The following HOMER2 variants were observed in gnomAD, a reference collection of about 807,000 sequenced individuals.
HOMER2 encodes the protein homer protein homolog 2.
In HOMER2, 27 loss-of-function variants were observed where a neutral mutation model predicts 47.0. The ratio of observed to expected loss-of-function variants is 0.57; its 90% CI spans 0.42 to 0.79. The LOEUF (loss-of-function observed/expected upper bound fraction) is 0.79. HOMER2 is among the 30% of genes least tolerant of loss of function. The pLI, the probability that HOMER2 is intolerant of heterozygous loss-of-function variation, is 0.00. For synonymous variants in HOMER2, 161 were observed against 163.8 expected (o/e 0.98, Z 0.13); for missense variants, 443 against 435.0 (o/e 1.02, Z -0.16).
At chr15:82,870,188 C>A (rs532446295) in intron 3 of HOMER2, among the ~76,000 whole-genome samples, 2 of 152,160 alleles carry the variant, frequency 1.3e-5, no homozygotes, top group African/African-American at 4.8e-5. Flanking sequence ...TTTCTTTTCC[C>A]GTAGCTTAAC....
intron 2 of HOMER2, among the ~76,000 whole-genome samples, chr15:82,881,920 G>A (rs1338252322): frequency 6.6e-6 from 1 of 152,222 alleles, no homozygotes; most frequent in African/African-American, 2.4e-5. Context: ...CTTCAGGCAA[G>A]TCTTGTCCAC....
At chr15:82,952,070 T>A (rs1417541221) in intron 1 of HOMER2, 1 of 981,570 alleles carries the variant, frequency 1.0e-6, no homozygotes, top group East Asian at 1.1e-4. Context: ...AAGTCCACTA[T>A]TCCTACGCTG....
intron 1 of HOMER2, among the ~76,000 whole-genome samples, chr15:82,970,773 A>T (rs1228490718): frequency 6.6e-6 from 1 of 152,228 alleles, no homozygotes; most frequent in East Asian, 1.9e-4. Context: ...TCTTCTTGCC[A>T]TGCTGTGTTT....
At chr15:82,949,760 G>A (rs974092526) in intron 1 of HOMER2, among the ~76,000 whole-genome samples, 1 of 152,160 alleles carries the variant, frequency 6.6e-6, no homozygotes, top group East Asian at 1.9e-4. Flanking sequence ...GCTACATGTG[G>A]CTATTTAAAT....
upstream of HOMER2, among the ~76,000 whole-genome samples, chr15:82,955,171 C>CT (rs537098552): frequency 0.06 from 7,971 of 133,756 alleles, 442 homozygotes; most frequent in African/African-American, 0.14. Flanking sequence ...TTTTCTTTTT[C>CT]TTTTTTTTTT....
chr15:82,848,423 C>T (rs539535714), downstream of HOMER2, among the ~76,000 whole-genome samples: 17 of 152,314 alleles, frequency 1.1e-4, no homozygotes, highest in Middle Eastern at 3.4e-3. Flanking sequence ...TTGCCACACA[C>T]GGGCAATCTC....
downstream of HOMER2, among the ~76,000 whole-genome samples, chr15:82,848,573 T>A (rs951141230): frequency 2.2e-4 from 33 of 152,206 alleles, no homozygotes; most frequent in Admixed American, 6.5e-4. Context: ...GGAACACCTC[T>A]GTCATGAGGG....
chr15:82,897,632 T>C (rs546613921), intron 1 of HOMER2, among the ~76,000 whole-genome samples: 1 of 152,304 alleles, frequency 6.6e-6, no homozygotes, highest in East Asian at 1.9e-4. Context: ...CTGTCTCCTA[T>C]CAGACTCTCT....
At chr15:82,852,103 A>G in intron 7 of HOMER2, 39 bp downstream of exon 7, 1 of 1,466,620 alleles carries the variant, frequency 6.8e-7, no homozygotes, top group Non-Finnish European at 9.5e-7. Flanking sequence ...CAAGGCCAAG[A>G]GGACGCCAAG....
intron 5 of HOMER2, among the ~76,000 whole-genome samples, chr15:82,855,340 A>AG (rs1161730899): frequency 3.3e-5 from 5 of 150,748 alleles, no homozygotes; most frequent in African/African-American, 7.3e-5. Context: ...AAAAAAAAAA[A>AG]AAAAAAAAAG....
intron 1 of HOMER2, among the ~76,000 whole-genome samples, chr15:82,894,383 G>C (rs2151103899): frequency 6.6e-6 from 1 of 152,192 alleles, no homozygotes; most frequent in East Asian, 1.9e-4. Flanking sequence ...AATCCTTTAA[G>C]TGTTCAAAAT....
At chr15:82,892,897 A>G in intron 1 of HOMER2, 56 bp from the exon 2 acceptor site, 1 of 1,373,026 alleles carries the variant, frequency 7.3e-7, no homozygotes, top group Non-Finnish European at 9.6e-7. Context: ...TGTATAATTT[A>G]TGATTTCTAG....
chr15:82,868,207 T>C (rs2052041897), intron 3 of HOMER2, among the ~76,000 whole-genome samples: 1 of 152,002 alleles, frequency 6.6e-6, no homozygotes, highest in Non-Finnish European at 1.5e-5. Context: ...TAAATTTAAG[T>C]TCCTTATAGA....
intron 4 of HOMER2, among the ~76,000 whole-genome samples, chr15:82,859,983 C>G (rs2051721735): frequency 6.6e-6 from 1 of 152,154 alleles, no homozygotes; most frequent in African/African-American, 2.4e-5. Context: ...CGCGGTGGCT[C>G]ACACCTGTAA....
At chr15:82,957,823 A>T (rs1178314798), downstream of HOMER2, among the ~76,000 whole-genome samples, 2 of 152,132 alleles carry the variant, frequency 1.3e-5, no homozygotes, top group Non-Finnish European at 2.9e-5. Context: ...AGATTTTGAT[A>T]GCATCTACCC....
intron 1 of HOMER2, among the ~76,000 whole-genome samples, chr15:82,915,427 T>C (rs1460765009): frequency 6.6e-6 from 1 of 152,096 alleles, no homozygotes. Context: ...GTCTCAGAAC[T>C]GCCAGGTACA....
exon 2 of HOMER2, chr15:82,839,253 C>T (rs2151581517): frequency 6.6e-6 from 1 of 152,336 alleles, no homozygotes; most frequent in East Asian, 1.9e-4. Flanking sequence ...GTGGGCCCTA[C>T]TGAGGCAGAA....
chr15:82,960,593 GCAAACAAAAA>G (rs1281339378), intron 1 of HOMER2, among the ~76,000 whole-genome samples: 3 of 152,156 alleles, frequency 2.0e-5, no homozygotes, highest in Non-Finnish European at 4.4e-5. Context: ...TATACTAAGA[GCAAACAAAAA>G]CAAACAAAAA....
intron 1 of HOMER2, among the ~76,000 whole-genome samples, chr15:82,945,797 C>T (rs1044930428): frequency 2.0e-5 from 3 of 152,004 alleles, no homozygotes; most frequent in African/African-American, 7.3e-5. Context: ...GGTGAAATCC[C>T]ATCTCTACTA....
Sources: gnomAD v4.1 joint callset for allele counts (sites outside exome capture counted in the v4.1 genomes callset) on GRCh38, gnomAD v4.1.1 for gene constraint, MANE v1.5 for transcripts, NCBI Gene and HGNC (gene_info 2026-07-23, HGNC 2026-07-21) for gene names.